Variants in NRG3 observed in about 807,000 individuals in gnomAD.
NRG3 encodes the protein neuregulin 3.
NRG3 carries 31 observed loss-of-function variants against 66.9 expected under a neutral mutation model. The observed-to-expected ratio is 0.46, with a 90% confidence interval of 0.35 to 0.63. NRG3 has a LOEUF of 0.63. NRG3 is among the 20% of genes least tolerant of loss of function. NRG3 has a pLI of 0.00. For synonymous variants in NRG3, 393 were observed against 359.4 expected, an observed-to-expected ratio of 1.09 and a Z score of -1.06; for missense variants, 910 against 878.9, an observed-to-expected ratio of 1.04 and a Z score of -0.45.
intron 1 of NRG3, among the ~76,000 whole-genome samples, chr10:82,266,428 T>C (rs7087071): frequency 0.45 from 68,305 of 151,834 alleles, 17,804 homozygotes; most frequent in African/African-American, 0.72. Context: ...CATTTGACCT[T>C]CCTGTGAGCA....
intron 6 of NRG3, among the ~76,000 whole-genome samples, chr10:82,967,025 T>C (rs1479937440): frequency 2.6e-5 from 4 of 151,848 alleles, no homozygotes; most frequent in African/African-American, 9.7e-5. Flanking sequence ...AATAGCTAGT[T>C]TCTTTCTTTG....
At chr10:81,959,867 G>A (rs1250590337) in intron 1 of NRG3, among the ~76,000 whole-genome samples, 2 of 152,150 alleles carry the variant, frequency 1.3e-5, no homozygotes, top group African/African-American at 4.8e-5. Context: ...TATGTAGAGT[G>A]TAATGTATTG....
In NRG3 at chr10:82,643,249, T is replaced by C. The variant is rs191876390; in HGVS notation, c.954-95328T>C. Among the ~76,000 whole-genome samples, 154 of 151,234 alleles carry C rather than the reference T, an allele frequency of 1.0e-3. 1 individual carries two copies. The highest frequency in any genetic ancestry group is 3.5e-3 in the African/African-American group (146 of 41,190). On this transcript the variant is annotated intron_variant, in intron 2 of 8. Coordinates refer to ENST00000372141, the MANE Select transcript of NRG3 (RefSeq NM_001010848.4). ...TGAATCATGGTCAGGGCCAGGGGGG[T>C]GGTTTCCTGTGCTGTTATTGTGATA...
At chr10:82,354,394 C>T (rs1194006897) in intron 1 of NRG3, among the ~76,000 whole-genome samples, 1 of 124,948 alleles carries the variant, frequency 8.0e-6, no homozygotes, top group Non-Finnish European at 1.5e-5. Flanking sequence ...AAAAAGTTGT[C>T]CTTTTTTTTT....
intron 1 of NRG3, among the ~76,000 whole-genome samples, chr10:82,101,945 A>G (rs527634223): frequency 6.7e-5 from 10 of 149,336 alleles, no homozygotes; most frequent in Admixed American, 6.7e-4. Context: ...ACTTTTCCAT[A>G]TCTCCTTCCA....
intron 4 of NRG3, among the ~76,000 whole-genome samples, chr10:82,925,455 T>C (rs910813047): frequency 6.6e-6 from 1 of 152,242 alleles, no homozygotes; most frequent in Non-Finnish European, 1.5e-5. Flanking sequence ...TTTGCACCTA[T>C]AAAGAGCTTT....
intron 4 of NRG3, among the ~76,000 whole-genome samples, chr10:82,926,148 C>A (rs146537863): frequency 6.6e-6 from 1 of 152,096 alleles, no homozygotes; most frequent in Non-Finnish European, 1.5e-5. Context: ...TTCCAAAAAA[C>A]GAAACTTGAA....
intron 3 of NRG3, among the ~76,000 whole-genome samples, chr10:82,863,898 G>A (rs2064277972): frequency 6.6e-6 from 1 of 152,162 alleles, no homozygotes; most frequent in Non-Finnish European, 1.5e-5. Context: ...TTCTTTACAT[G>A]AAAGTGTGCC....
intron 2 of NRG3, among the ~76,000 whole-genome samples, chr10:82,411,227 G>A (rs1025160158): frequency 1.3e-5 from 2 of 152,080 alleles, no homozygotes; most frequent in African/African-American, 2.4e-5. Flanking sequence ...TCCTGGCCCA[G>A]TGTTTTTTAC....
chr10:82,556,278 T>C (rs2044644318), intron 2 of NRG3, among the ~76,000 whole-genome samples: 1 of 152,190 alleles, frequency 6.6e-6, no homozygotes, highest in Non-Finnish European at 1.5e-5. Context: ...TCTCCTATGT[T>C]ATCTCATTCC....
chr10:82,486,017 A>C (rs909115727), intron 2 of NRG3, among the ~76,000 whole-genome samples: 21 of 152,226 alleles, frequency 1.4e-4, no homozygotes, highest in African/African-American at 4.8e-4. Context: ...CAAAGAATGC[A>C]TACAAATGTC....
At chr10:82,239,250 A>G (rs911015737) in intron 1 of NRG3, among the ~76,000 whole-genome samples, 2 of 152,140 alleles carry the variant, frequency 1.3e-5, no homozygotes, top group Admixed American at 6.6e-5. Context: ...ACATACATAT[A>G]TATTTTTTGA....
intron 4 of NRG3, among the ~76,000 whole-genome samples, chr10:82,873,724 A>T (rs1841550722): frequency 6.6e-6 from 1 of 152,200 alleles, no homozygotes; most frequent in Admixed American, 6.5e-5. Flanking sequence ...CCATTTGAAA[A>T]TGTATTAGCA....
At chr10:82,461,796 G>T (rs1449551017) in intron 2 of NRG3, among the ~76,000 whole-genome samples, 1 of 152,170 alleles carries the variant, frequency 6.6e-6, no homozygotes, top group Admixed American at 6.5e-5. Context: ...GTATTCAAAT[G>T]TAAGAGACTG....
Position 82,959,009 on chromosome 10 carries a change from T to C in NRG3, c.1218T>C (p.Ser406=), listed in dbSNP as rs747571864. 1.2e-6 allele frequency: 2 copies of C among 1,608,368 alleles called. No homozygotes were observed. Among genetic ancestry groups the C allele is most frequent in the South Asian group, 2.2e-5 (2 of 89,804 alleles). ...LKVPQNGKSY[S]LKASSTMAKS... The stretch of plus-strand genomic sequence containing the variant: ...TGCCACAAAATGGTAAAAGCTACAG[T>C]CTCAAAGCATCCAGCACAATGGCAA... Residue 406 remains serine, a synonymous_variant, in exon 6 of 9, where the codon AGT becomes AGC. Transcript: ENST00000372141.
chr10:82,608,032 G>A (rs2048075422), intron 2 of NRG3, among the ~76,000 whole-genome samples: 2 of 152,066 alleles, frequency 1.3e-5, no homozygotes, highest in Non-Finnish European at 2.9e-5. Flanking sequence ...CTTTTCTAAT[G>A]CTCTTCCCTT....
At chr10:82,924,436 G>A (rs1846777426) in intron 4 of NRG3, among the ~76,000 whole-genome samples, 1 of 152,066 alleles carries the variant, frequency 6.6e-6, no homozygotes, top group Non-Finnish European at 1.5e-5. Flanking sequence ...AATGAGGAAG[G>A]GGTAGGAAGT....
At chr10:82,856,851 T>A (rs1056866104) in intron 3 of NRG3, among the ~76,000 whole-genome samples, 17 of 150,652 alleles carry the variant, frequency 1.1e-4, no homozygotes, top group Admixed American at 5.9e-4. Context: ...CATGAGAAGA[T>A]CCTGGGAGAC....
intron 2 of NRG3, among the ~76,000 whole-genome samples, chr10:82,372,026 A>G (rs1325084454): frequency 6.6e-6 from 1 of 152,204 alleles, no homozygotes; most frequent in Admixed American, 6.5e-5. Context: ...TATCCAAATC[A>G]TAGCACTCAT....
Sources: gnomAD v4.1 joint callset for allele counts (sites outside exome capture counted in the v4.1 genomes callset) on GRCh38, gnomAD v4.1.1 for gene constraint, MANE v1.5 for transcripts, NCBI Gene and HGNC (gene_info 2026-07-23, HGNC 2026-07-21) for gene names.